The following CALN1 variants were observed in gnomAD, a reference collection of about 807,000 sequenced individuals.
CALN1 encodes calcium-binding protein 8.
A neutral mutation model predicts 30.6 loss-of-function variants in CALN1; 17 were observed. That is an observed-to-expected ratio of 0.56 (90% CI 0.38 to 0.83). CALN1 has a LOEUF of 0.83. CALN1 is among the 40% of genes least tolerant of loss of function. The pLI is 0.00. For synonymous variants in CALN1, 156 were observed against 131.4 expected (o/e 1.19, Z -1.28); for missense variants, 291 against 354.9 (o/e 0.82, Z 1.45).
chr7:72,111,725 G>A (rs966367404), intron 3 of CALN1, among the ~76,000 whole-genome samples: 7 of 151,590 alleles, frequency 4.6e-5, no homozygotes, highest in Admixed American at 1.3e-4. Flanking sequence ...TGGGATTACA[G>A]GCATGAGCTG....
intron 3 of CALN1, among the ~76,000 whole-genome samples, chr7:72,231,577 T>C (rs2129550639): frequency 6.6e-6 from 1 of 152,218 alleles, no homozygotes; most frequent in East Asian, 1.9e-4. Flanking sequence ...TTGTGAATAG[T>C]GCTGCAATGA....
intron 2 of CALN1, among the ~76,000 whole-genome samples, chr7:72,362,549 A>G (rs1177168226): frequency 1.3e-5 from 2 of 152,142 alleles, no homozygotes; most frequent in African/African-American, 4.8e-5. Flanking sequence ...CCAGGTAAAG[A>G]TGCAAATTCT....
At chr7:72,220,006 C>A (rs1212093811) in intron 3 of CALN1, among the ~76,000 whole-genome samples, 1 of 135,750 alleles carries the variant, frequency 7.4e-6, no homozygotes, top group East Asian at 2.5e-4. Flanking sequence ...TTTGAAGCAA[C>A]CAAATTGGCA....
At chr7:72,043,446 A>G (rs1057245108) in intron 4 of CALN1, among the ~76,000 whole-genome samples, 3 of 152,214 alleles carry the variant, frequency 2.0e-5, no homozygotes, top group African/African-American at 7.2e-5. Context: ...TTTACATTAG[A>G]ATGAAAAATA....
chr7:71,788,278 A>G (rs1004920355), intron 6 of CALN1, among the ~76,000 whole-genome samples: 4 of 152,080 alleles, frequency 2.6e-5, no homozygotes, highest in Admixed American at 6.5e-5. Flanking sequence ...TGCTGTATCC[A>G]TTTCTGCAGC....
chr7:71,788,758 T>C (rs1256356938), intron 6 of CALN1, among the ~76,000 whole-genome samples: 2 of 151,920 alleles, frequency 1.3e-5, no homozygotes, highest in Admixed American at 6.6e-5. Context: ...CCCAGGTTCA[T>C]GCCATTCTCC....
chr7:72,039,790 T>C (rs1802014851), intron 4 of CALN1, among the ~76,000 whole-genome samples: 1 of 152,188 alleles, frequency 6.6e-6, no homozygotes, highest in South Asian at 2.1e-4. Flanking sequence ...TCTGGGCTTC[T>C]GAAGGTCTCT....
At chr7:72,381,684 A>G (rs1192399838) in intron 2 of CALN1, among the ~76,000 whole-genome samples, 1 of 152,126 alleles carries the variant, frequency 6.6e-6, no homozygotes, top group Non-Finnish European at 1.5e-5. Context: ...GGAACATCAC[A>G]CACTGGGGCC....
chr7:72,500,757 T>C, the CALN1 span, among the ~76,000 whole-genome samples: 4 of 152,344 alleles, frequency 2.6e-5, no homozygotes, highest in Non-Finnish European at 4.4e-5. Context: ...ACTAATGTTA[T>C]TATCTTATTC....
At chr7:72,349,282 T>TGTGTGTGTGTG (rs1802800693) in intron 2 of CALN1, among the ~76,000 whole-genome samples, 2 of 147,754 alleles carry the variant, frequency 1.4e-5, no homozygotes, top group African/African-American at 5.0e-5. Context: ...ACACGCGTGC[T>TGTGTGTGTGTG]TGTGTGTGTG....
intron 5 of CALN1, among the ~76,000 whole-genome samples, chr7:71,896,909 C>A (rs1425974953): frequency 6.6e-6 from 1 of 152,182 alleles, no homozygotes; most frequent in Non-Finnish European, 1.5e-5. Context: ...CAGAGCATTG[C>A]ATGTTTGCCA....
chr7:72,409,651 G>GA (rs1806976695), intron 1 of CALN1, among the ~76,000 whole-genome samples: 1 of 151,986 alleles, frequency 6.6e-6, no homozygotes, highest in Admixed American at 6.5e-5. Context: ...AGATTGAGCT[G>GA]AAAATCTAAT....
chr7:71,866,012 T>C (rs1038823048), intron 5 of CALN1, among the ~76,000 whole-genome samples: 5 of 152,000 alleles, frequency 3.3e-5, no homozygotes, highest in African/African-American at 1.2e-4. Context: ...ACATTTTTTT[T>C]CTTTTTTTTT....
chr7:72,344,700 T>C (rs1414453897), intron 2 of CALN1, among the ~76,000 whole-genome samples: 1 of 147,330 alleles, frequency 6.8e-6, no homozygotes, highest in Non-Finnish European at 1.5e-5. Flanking sequence ...TTTACATTTT[T>C]ATTTATATAT....
chr7:71,935,112 CA>C (rs1795760980), intron 5 of CALN1, among the ~76,000 whole-genome samples: 2 of 152,104 alleles, frequency 1.3e-5, no homozygotes, highest in Non-Finnish European at 2.9e-5. Flanking sequence ...GACACATATC[CA>C]AACTGTAGCA....
intron 5 of CALN1, among the ~76,000 whole-genome samples, chr7:72,019,465 T>C (rs980211536): frequency 6.6e-6 from 1 of 152,210 alleles, no homozygotes; most frequent in East Asian, 1.9e-4. Context: ...GAAATGATTG[T>C]GTCCAACTTG....
intron 5 of CALN1, among the ~76,000 whole-genome samples, chr7:71,889,530 C>A (rs1004264890): frequency 1.3e-5 from 2 of 152,156 alleles, no homozygotes; most frequent in African/African-American, 4.8e-5. Context: ...ACCTTCATGA[C>A]CTAACCACAT....
At chr7:72,242,188 G>A (rs534729085) in intron 3 of CALN1, among the ~76,000 whole-genome samples, 2 of 152,256 alleles carry the variant, frequency 1.3e-5, no homozygotes, top group East Asian at 3.9e-4. Flanking sequence ...GTGCACCCAT[G>A]CTGTAGTGTG....
At chr7:71,842,150 C>T (rs143008654) in intron 5 of CALN1, among the ~76,000 whole-genome samples, 3 of 152,178 alleles carry the variant, frequency 2.0e-5, no homozygotes, top group Non-Finnish European at 2.9e-5. Flanking sequence ...CAGCAACTCA[C>T]GTGTCTGCCT....
Sources: allele counts gnomAD v4.1 joint callset (sites outside exome capture counted in the v4.1 genomes callset), GRCh38; gene constraint gnomAD v4.1.1; transcripts MANE v1.5; gene names NCBI Gene and HGNC (gene_info 2026-07-23, HGNC 2026-07-21).